The following CNTNAP2 variants were observed in gnomAD, a reference collection of about 807,000 sequenced individuals.
CNTNAP2 encodes contactin associated protein 2, also known as contactin-associated protein-like 2.
CNTNAP2 carries 98 observed loss-of-function variants against 155.2 expected under a neutral mutation model. That is an observed-to-expected ratio of 0.63 (90% CI 0.54 to 0.75). CNTNAP2 has a LOEUF of 0.75. Among genes scored for constraint, CNTNAP2 ranks in the 30% least tolerant of loss-of-function variants. CNTNAP2 has a pLI of 0.00. For synonymous variants in CNTNAP2, 651 were observed against 631.2 expected (o/e 1.03, Z -0.47); for missense variants, 1,727 against 1,688.1 (o/e 1.02, Z -0.40).
In CNTNAP2 at chr7:146,370,695, C is replaced by T. The variant is rs185254582; in HGVS notation, c.97+253722C>T. 4.1e-4 allele frequency among the ~76,000 whole-genome samples: 63 copies of T among 152,084 alleles called. 1 individual carries two copies. Among genetic ancestry groups the T allele is most frequent in the Admixed American group, 1.6e-3 (24 of 15,278 alleles). On this transcript the variant is annotated intron_variant, in intron 1 of 23. Coordinates refer to ENST00000361727, the MANE Select transcript of CNTNAP2 (RefSeq NM_014141.6). ...ATTTTTATGTAAATTTTAATATCAG[C>T]GTGCCTTGTTCCAAAGGAAACCACA...
At chr7:146,960,665 T>C (rs1797538891) in intron 3 of CNTNAP2, among the ~76,000 whole-genome samples, 1 of 152,262 alleles carries the variant, frequency 6.6e-6, no homozygotes, top group African/African-American at 2.4e-5. Flanking sequence ...TAGTTGTTCT[T>C]TATATCACTG....
chr7:147,314,712 T>G (rs537550057), intron 9 of CNTNAP2, among the ~76,000 whole-genome samples: 1 of 151,314 alleles, frequency 6.6e-6, no homozygotes, highest in South Asian at 2.1e-4. Context: ...AACAAAGAGA[T>G]GGACTCAAGG....
chr7:147,625,566 T>C (rs1230261904), intron 12 of CNTNAP2, among the ~76,000 whole-genome samples: 2 of 149,782 alleles, frequency 1.3e-5, no homozygotes, highest in Non-Finnish European at 3.0e-5. Flanking sequence ...CAAAAAATTA[T>C]TTTAAAATGT....
intron 4 of CNTNAP2, among the ~76,000 whole-genome samples, chr7:147,107,074 C>A (rs1202716477): frequency 6.6e-6 from 1 of 152,116 alleles, no homozygotes. Context: ...TTCCGTTTGA[C>A]TAGGCTTTCT....
At chr7:148,315,058 T>G (rs1797663459) in intron 21 of CNTNAP2, among the ~76,000 whole-genome samples, 2 of 152,300 alleles carry the variant, frequency 1.3e-5, no homozygotes, top group African/African-American at 2.4e-5. Flanking sequence ...GGCCGCTTAC[T>G]GGATTTAAAA....
intron 16 of CNTNAP2, among the ~76,000 whole-genome samples, chr7:148,143,395 T>A (rs1335853723): frequency 6.6e-6 from 1 of 152,186 alleles, no homozygotes; most frequent in Non-Finnish European, 1.5e-5. Flanking sequence ...AAAAGTTGAG[T>A]AGACCAGGTG....
At chr7:148,116,669 C>A (rs965579887) in intron 15 of CNTNAP2, among the ~76,000 whole-genome samples, 1 of 152,078 alleles carries the variant, frequency 6.6e-6, no homozygotes, top group Non-Finnish European at 1.5e-5. Flanking sequence ...TTAAATAAGA[C>A]CATATTTTAA....
At chr7:146,334,430 CAAAA>C (rs1179295401) in intron 1 of CNTNAP2, among the ~76,000 whole-genome samples, 3 of 94,036 alleles carry the variant, frequency 3.2e-5, no homozygotes, top group African/African-American at 4.1e-5. Context: ...GACTCCGTCT[CAAAA>C]AAAAAAAAAA....
At chr7:148,013,835 C>T (rs527906591) in intron 15 of CNTNAP2, among the ~76,000 whole-genome samples, 22 of 151,940 alleles carry the variant, frequency 1.4e-4, no homozygotes, top group Admixed American at 5.9e-4. Context: ...AGTAATATGG[C>T]CCTCTGTGGA....
chr7:146,251,374 A>C (rs1255661981), intron 1 of CNTNAP2, among the ~76,000 whole-genome samples: 3 of 152,156 alleles, frequency 2.0e-5, no homozygotes, highest in African/African-American at 7.2e-5. Flanking sequence ...ATGTTTTATA[A>C]AATTTGCTTC....
rs1358813934 is a variant in CNTNAP2, at chr7:146,399,077, TAAAC to T, written c.97+282106_97+282109del. ...CTTTCTTTAAGAACGTTTTGACAAA[TAAAC>T]ATATATATTTGTGGTATACAACATT... is the stretch of plus-strand genomic sequence containing the variant. On this transcript the variant is annotated intron_variant, in intron 1 of 23. Transcript: ENST00000361727. 1.4e-4 allele frequency among the ~76,000 whole-genome samples: 14 copies of T among 99,450 alleles called. No individual in the cohort carries two copies. The African/African-American group carries it at 1.5e-3, about 11-fold the overall frequency. The allele number at this position is 99,450 out of a possible 152,430, so 65.2% of individuals were successfully genotyped here. A position where few individuals can be genotyped will look rare whatever the true frequency, so the allele number is the denominator to read the frequency against.
intron 13 of CNTNAP2, among the ~76,000 whole-genome samples, chr7:147,690,894 TC>T (rs1196661252): frequency 2.6e-5 from 4 of 152,106 alleles, no homozygotes; most frequent in African/African-American, 9.7e-5. Context: ...TTATTATACT[TC>T]CCCCTACTCT....
chr7:147,323,809 T>A (rs2116825851), intron 9 of CNTNAP2, among the ~76,000 whole-genome samples: 1 of 152,302 alleles, frequency 6.6e-6, no homozygotes, highest in African/African-American at 2.4e-5. Flanking sequence ...AATAGAATAT[T>A]TTTTAATTAC....
intron 1 of CNTNAP2, among the ~76,000 whole-genome samples, chr7:146,569,758 C>G (rs775742082): frequency 2.0e-5 from 3 of 152,128 alleles, no homozygotes; most frequent in Non-Finnish European, 4.4e-5. Flanking sequence ...GGCAAAATTC[C>G]TATTCAGGTA....
intron 15 of CNTNAP2, among the ~76,000 whole-genome samples, chr7:148,085,513 C>T (rs1803707391): frequency 1.3e-5 from 2 of 152,062 alleles, no homozygotes; most frequent in Non-Finnish European, 2.9e-5. Flanking sequence ...AGTGCTGTAT[C>T]TGAACTAATT....
intron 3 of CNTNAP2, among the ~76,000 whole-genome samples, chr7:146,903,817 GC>G (rs1796057102): frequency 6.6e-6 from 1 of 152,088 alleles, no homozygotes. Flanking sequence ...CATAGTGACT[GC>G]CATTAGTAAT....
chr7:146,949,226 T>A (rs777257308), intron 3 of CNTNAP2, among the ~76,000 whole-genome samples: 1 of 152,170 alleles, frequency 6.6e-6, no homozygotes, highest in East Asian at 1.9e-4. Context: ...ATATTTTTTA[T>A]TGTGACATTA....
chr7:147,494,325 C>T (rs10251666), intron 11 of CNTNAP2, among the ~76,000 whole-genome samples: 65 of 152,244 alleles, frequency 4.3e-4, no homozygotes, highest in African/African-American at 1.6e-3. Context: ...CTCTACATTT[C>T]TAAGGCAGAC....
intron 12 of CNTNAP2, among the ~76,000 whole-genome samples, chr7:147,581,615 A>G (rs1800501553): frequency 6.6e-6 from 1 of 152,224 alleles, no homozygotes; most frequent in African/African-American, 2.4e-5. Flanking sequence ...GAGTAAGTGT[A>G]TAGGATTTCT....
Sources: gnomAD v4.1 joint callset for allele counts (sites outside exome capture counted in the v4.1 genomes callset) on GRCh38, gnomAD v4.1.1 for gene constraint, MANE v1.5 for transcripts, NCBI Gene and HGNC (gene_info 2026-07-23, HGNC 2026-07-21) for gene names.